The following CADM2 variants were observed in gnomAD, a reference collection of about 807,000 sequenced individuals.
CADM2 encodes cell adhesion molecule 2.
In CADM2, 12 loss-of-function variants were observed where a neutral mutation model predicts 49.8. That is an observed-to-expected ratio of 0.24 (90% CI 0.15 to 0.39). CADM2 has a LOEUF of 0.39. CADM2 is among the 10% of genes least tolerant of loss of function. The pLI is 1.00. For synonymous variants in CADM2, 214 were observed against 175.4 expected (o/e 1.22, Z -1.74); for missense variants, 378 against 492.3 (o/e 0.77, Z 2.20).
chr3:85,104,363 T>C (rs1229892313), intron 1 of CADM2, among the ~76,000 whole-genome samples: 1 of 151,972 alleles, frequency 6.6e-6, no homozygotes, highest in Non-Finnish European at 1.5e-5. Flanking sequence ...GTTGTAGATA[T>C]GCGGCGTTAT....
intron 1 of CADM2, among the ~76,000 whole-genome samples, chr3:85,099,455 G>GT: frequency 7.0e-6 from 1 of 143,272 alleles, no homozygotes. Context: ...TTGATGATGT[G>GT]TAACATGAAT....
intron 1 of CADM2, among the ~76,000 whole-genome samples, chr3:85,056,279 A>G (rs2036076824): frequency 6.6e-6 from 1 of 152,062 alleles, no homozygotes; most frequent in Non-Finnish European, 1.5e-5. Context: ...CAGTAGAAAG[A>G]ACACAGGATG....
chr3:85,930,297 T>A (rs1037668435), intron 6 of CADM2, among the ~76,000 whole-genome samples: 30 of 152,034 alleles, frequency 2.0e-4, no homozygotes, highest in Non-Finnish European at 3.5e-4. Flanking sequence ...ATTTAAAAAA[T>A]TTTTCTTTTT....
At chr3:85,685,540 G>A (rs1262037292) in intron 1 of CADM2, among the ~76,000 whole-genome samples, 2 of 150,268 alleles carry the variant, frequency 1.3e-5, no homozygotes, top group Admixed American at 6.6e-5. Context: ...TTGAAATATC[G>A]TCTTATTTAA....
chr3:85,645,467 C>A (rs1246103128), intron 1 of CADM2, among the ~76,000 whole-genome samples: 1 of 151,932 alleles, frequency 6.6e-6, no homozygotes, highest in Non-Finnish European at 1.5e-5. Flanking sequence ...TCCTCTCTCA[C>A]TTTGTTTTTA....
At chr3:85,097,009 A>G (rs1318931307) in intron 1 of CADM2, among the ~76,000 whole-genome samples, 1 of 151,672 alleles carries the variant, frequency 6.6e-6, no homozygotes, top group Non-Finnish European at 1.5e-5. Flanking sequence ...TTTTTTTATT[A>G]TTATTATACT....
At chr3:86,052,771 A>G (rs1180054732) in intron 8 of CADM2, among the ~76,000 whole-genome samples, 1 of 152,130 alleles carries the variant, frequency 6.6e-6, no homozygotes, top group East Asian at 1.9e-4. Flanking sequence ...ATTAATTCAT[A>G]GAGTATGCAA....
chr3:85,992,285 C>A (rs1026714859), intron 8 of CADM2: 2 of 151,994 alleles, frequency 1.3e-5, no homozygotes, highest in East Asian at 3.9e-4. Context: ...TCATTTATGT[C>A]ATGATCATCT....
At chr3:85,919,004 A>T (rs1374642858) in intron 6 of CADM2, among the ~76,000 whole-genome samples, 1 of 152,100 alleles carries the variant, frequency 6.6e-6, no homozygotes, top group South Asian at 2.1e-4. Context: ...CAAAAATTAC[A>T]TTAAAAATAA....
chr3:85,464,975 C>T lies in CADM2; in HGVS notation c.62-261547C>T, dbSNP rs569358597. Among the ~76,000 whole-genome samples the T allele has an allele frequency of 2.0e-5, 3 of 152,202 alleles. No homozygotes were observed. The East Asian group carries it at 5.8e-4, about 30-fold the overall frequency. ...CCATCCTGGCTAACACTGTGAAACC[C>T]CGTCTCTACTGAAAATACTAAAAAT... On this transcript the variant is annotated intron_variant, in intron 1 of 9. Transcript: ENST00000383699.
At chr3:85,943,740 C>T (rs932383531) in intron 7 of CADM2, among the ~76,000 whole-genome samples, 11 of 151,878 alleles carry the variant, frequency 7.2e-5, no homozygotes, top group East Asian at 3.9e-4. Flanking sequence ...TCAGAAATAA[C>T]GCCGCATATC....
chr3:85,882,492 C>T (rs1240721868), intron 3 of CADM2, among the ~76,000 whole-genome samples: 1 of 152,120 alleles, frequency 6.6e-6, no homozygotes, highest in Non-Finnish European at 1.5e-5. Context: ...GTGCTGGTGT[C>T]TTTAACCAGT....
intron 1 of CADM2, among the ~76,000 whole-genome samples, chr3:85,152,107 A>G (rs566682646): frequency 6.6e-6 from 1 of 152,224 alleles, no homozygotes; most frequent in South Asian, 2.1e-4. Context: ...CTCTTCTCCT[A>G]AAGAGAGACT....
At chr3:85,863,528 C>CT (rs993089681) in intron 3 of CADM2, among the ~76,000 whole-genome samples, 1 of 152,146 alleles carries the variant, frequency 6.6e-6, no homozygotes, top group Non-Finnish European at 1.5e-5. Context: ...GTTTGGTTCT[C>CT]TTTTTCTCTC....
At chr3:85,360,830 C>T (rs1050853579) in intron 1 of CADM2, among the ~76,000 whole-genome samples, 1 of 152,050 alleles carries the variant, frequency 6.6e-6, no homozygotes, top group African/African-American at 2.4e-5. Flanking sequence ...TCCTCAGTAC[C>T]GTTGTGTATC....
chr3:85,771,797 C>G (rs1405882320), intron 2 of CADM2, among the ~76,000 whole-genome samples: 1 of 151,960 alleles, frequency 6.6e-6, no homozygotes, highest in Non-Finnish European at 1.5e-5. Flanking sequence ...CAAGTTCCAT[C>G]TCTCTAGATG....
chr3:85,605,375 T>A (rs535691110), intron 1 of CADM2, among the ~76,000 whole-genome samples: 51 of 152,138 alleles, frequency 3.4e-4, no homozygotes, highest in Non-Finnish European at 6.3e-4. Context: ...ATTTTTAGAA[T>A]ACTAGTAAAA....
At chr3:85,324,026 T>A (rs937698014) in intron 1 of CADM2, among the ~76,000 whole-genome samples, 3 of 152,192 alleles carry the variant, frequency 2.0e-5, no homozygotes, top group Non-Finnish European at 4.4e-5. Context: ...GCTGTACTGC[T>A]ATTAATAGAC....
intron 1 of CADM2, among the ~76,000 whole-genome samples, chr3:85,344,543 A>T (rs1340656360): frequency 6.6e-6 from 1 of 151,866 alleles, no homozygotes; most frequent in Non-Finnish European, 1.5e-5. Context: ...AAGTTAAATG[A>T]AGTGGGGAAT....
Sources: allele counts gnomAD v4.1 joint callset (sites outside exome capture counted in the v4.1 genomes callset), GRCh38; gene constraint gnomAD v4.1.1; transcripts MANE v1.5; gene names NCBI Gene and HGNC (gene_info 2026-07-23, HGNC 2026-07-21).